BSDC1: variants seen among roughly 807,000 people sequenced by gnomAD.
BSDC1 encodes the protein BSD domain-containing protein 1.
A neutral mutation model predicts 56.0 loss-of-function variants in BSDC1; 29 were observed. The ratio of observed to expected loss-of-function variants is 0.52; its 90% CI spans 0.39 to 0.71. The LOEUF is 0.71. BSDC1 is among the 30% of genes least tolerant of loss of function. The pLI, the probability that BSDC1 is intolerant of heterozygous loss-of-function variation, is 0.00. For synonymous variants in BSDC1, 210 were observed against 215.3 expected (o/e 0.98, Z 0.21); for missense variants, 477 against 548.5 (o/e 0.87, Z 1.30).
At chr1:32,387,596 C>T (rs1049610682) in intron 2 of BSDC1, among the ~76,000 whole-genome samples, 1 of 152,188 alleles carries the variant, frequency 6.6e-6, no homozygotes, top group African/African-American at 2.4e-5. Context: ...CCACCTTGGC[C>T]TCCCAAAGTG....
chr1:32,385,636 GGAATCACTT>G (rs1292295927), intron 3 of BSDC1, among the ~76,000 whole-genome samples: 1 of 151,830 alleles, frequency 6.6e-6, no homozygotes, highest in Non-Finnish European at 1.5e-5. Flanking sequence ...CTGAGGTGGG[GGAATCACTT>G]GAGCCCAGGA....
chr1:32,377,993 T>A lies in BSDC1; in HGVS notation c.653A>T (p.Glu218Val), dbSNP rs1224501832. 4 of 1,613,300 alleles carry A rather than the reference T, an allele frequency of 2.5e-6. No individual in the cohort carries two copies. The South Asian group carries it at 4.4e-5, about 18-fold the overall frequency. ...ACCTTCCTCCTCCTCCCAGCCGGGC[T>A]CTTCAGAGATGCTCTGTTCCGCCCG... ...KQRAEQSISE[E>V]PGWEEEEEEL... The change falls in exon 8 of 11, where the codon GAG becomes GTG. Residue 218 changes from glutamate (E) to valine (V), a missense_variant. Physicochemically the swap from Glu to Val is moderately radical, Grantham distance 121. Coordinates refer to ENST00000455895, the MANE Select transcript of BSDC1 (RefSeq NM_018045.8).
At chr1:32,379,573 G>C (rs1642413316) in intron 5 of BSDC1, among the ~76,000 whole-genome samples, 1 of 152,080 alleles carries the variant, frequency 6.6e-6, no homozygotes, top group African/African-American at 2.4e-5. Flanking sequence ...CAATCACTCT[G>C]GATCACACTT....
At chr1:32,382,226 CA>C (rs577563299) in intron 4 of BSDC1, among the ~76,000 whole-genome samples, 151 of 60,154 alleles carry the variant, frequency 2.5e-3, no homozygotes, top group South Asian at 0.014. Flanking sequence ...GACTCCATCT[CA>C]AAAAAAAAAA....
intron 9 of BSDC1, chr1:32,369,226 T>C: frequency 7.8e-7 from 1 of 1,284,742 alleles, no homozygotes; most frequent in Non-Finnish European, 1.0e-6. Context: ...CCTTAAACTA[T>C]TACCTCGGAA....
At chr1:32,387,002 G>A in intron 2 of BSDC1, 107 bp from the exon 3 acceptor site, 1 of 837,570 alleles carries the variant, frequency 1.2e-6, no homozygotes, top group Non-Finnish European at 2.0e-6. Context: ...ATCTCCAGCG[G>A]CAGGGGAGCT....
At position 32,368,511 on chromosome 1, in the gene BSDC1, A is replaced by T; in HGVS notation, c.1196T>A (p.Phe399Tyr). Residue 399 changes from phenylalanine to tyrosine, a missense_variant, in exon 10 of 11, where the codon TTT (phenylalanine) becomes TAT (tyrosine). Coordinates refer to ENST00000455895, the MANE Select transcript of BSDC1 (RefSeq NM_018045.8). ...TDISEDWEKD[F>Y]DLDMTEEEVQ... ...CTCCTCTTCAGTCATGTCCAAGTCA[A>T]AGTCTTTCTCCCAGTCCTCACTGAT... 6.2e-7 allele frequency: 1 copy of T among 1,614,088 alleles called. No individual in the cohort carries two copies. The highest frequency in any genetic ancestry group is 8.5e-7 in the Non-Finnish European group (1 of 1,180,002).
intron 3 of BSDC1, among the ~76,000 whole-genome samples, chr1:32,384,583 C>T (rs1000896062): frequency 6.6e-6 from 1 of 152,072 alleles, no homozygotes; most frequent in Non-Finnish European, 1.5e-5. Context: ...ATCATCATTG[C>T]TCAGGAAGTA....
chr1:32,377,886 T>G, intron 8 of BSDC1, 84 bp downstream of exon 8: 1 of 1,338,678 alleles, frequency 7.5e-7, no homozygotes, highest in South Asian at 1.4e-5. Context: ...GCACCAAGTC[T>G]CTCCAGGCTT....
In BSDC1 at chr1:32,378,306, GT is replaced by G; in HGVS notation, c.529-24del. 1 of 1,600,134 alleles carries G rather than the reference GT, an allele frequency of 6.2e-7. No individual in the cohort carries two copies. On this transcript the variant is annotated intron_variant, in intron 6 of 10. Coordinates refer to ENST00000455895, the MANE Select transcript of BSDC1 (RefSeq NM_018045.8). The surrounding 1 kb of genome is among the most constrained non-coding windows in gnomAD (Gnocchi z 5.2). ...AACCTGGAGGGAGGGGAAAATGGAG[GT>G]GAGACTTTGGGAGTGTTTGTGTGGG...
chr1:32,393,066 A>C (rs1642920614), intron 2 of BSDC1, among the ~76,000 whole-genome samples: 2 of 152,198 alleles, frequency 1.3e-5, no homozygotes, highest in Admixed American at 6.5e-5. Flanking sequence ...TCTGTCTCAA[A>C]ACAAAACAAA....
At chr1:32,376,862 G>T in intron 8 of BSDC1, 121 bp from the exon 9 acceptor site, 1 of 1,144,760 alleles carries the variant, frequency 8.7e-7, no homozygotes, top group Non-Finnish European at 1.1e-6. Flanking sequence ...CGGGCATGGT[G>T]GCTCACACCT....
chr1:32,369,143 T>G, intron 9 of BSDC1: 2 of 593,078 alleles, frequency 3.4e-6, no homozygotes, highest in Non-Finnish European at 5.2e-6. Flanking sequence ...AAGTAAACAG[T>G]GAGTTACATG....
chr1:32,388,180 T>C (rs1461978538), intron 2 of BSDC1, among the ~76,000 whole-genome samples: 1 of 152,056 alleles, frequency 6.6e-6, no homozygotes, highest in Non-Finnish European at 1.5e-5. Flanking sequence ...TTTTAAAGCA[T>C]GTTTTTGAGC....
rs1159168399 is a variant in BSDC1, at chr1:32,383,868, T to C, written c.319A>G (p.Thr107Ala). Reference sequence around the variant, plus strand: ...TAGGGCTCAGCTGTGCCAGACGGTGTGCCCATCAGGGTGATGACATCGCAG... The same window carrying C: ...TAGGGCTCAGCTGTGCCAGACGGTGCGCCCATCAGGGTGATGACATCGCAG... The part of the protein sequence containing the change: ...IDCDVITLMG[T>A]PSGTAEPYDG... The change falls in exon 4 of 11, where the codon ACA becomes GCA. Residue 107 changes from threonine to alanine, a missense_variant. Physicochemically the swap from Thr to Ala is moderately conservative, Grantham distance 58. Coordinates refer to ENST00000455895, the MANE Select transcript of BSDC1 (RefSeq NM_018045.8). The C allele has an allele frequency of 6.2e-7, 1 of 1,612,310 alleles. No individual in the cohort carries two copies. The highest frequency in any genetic ancestry group is 1.1e-5 in the South Asian group (1 of 91,002).
intron 2 of BSDC1, chr1:32,393,752 T>G (rs1642948213): frequency 1.1e-5 from 4 of 354,042 alleles, no homozygotes; most frequent in Non-Finnish European, 1.6e-5. Context: ...CTAGAATCTT[T>G]TCCTTCAAGA....
In BSDC1 at chr1:32,366,500, G is replaced by T. The variant is rs758225604; in HGVS notation, c.*122C>A. On this transcript the variant is annotated 3_prime_UTR_variant, in exon 11 of 11. Coordinates refer to ENST00000455895, the MANE Select transcript of BSDC1 (RefSeq NM_018045.8). Reference sequence around the variant, plus strand: ...CCAGCAGGGAGCCACCAGAATCTGTGCCCAGAGCTCTGGTTGGCAGAGGAG... The same window carrying T: ...CCAGCAGGGAGCCACCAGAATCTGTTCCCAGAGCTCTGGTTGGCAGAGGAG... The T allele has an allele frequency of 2.0e-6, 2 of 979,330 alleles. No individual in the cohort carries two copies. Among genetic ancestry groups the T allele is most frequent in the Non-Finnish European group, 3.2e-6 (2 of 624,534 alleles). The allele number at this position is 979,330 out of a possible 1,614,324, so 60.7% of individuals were successfully genotyped here.
chr1:32,386,575 A>G, intron 3 of BSDC1: 1 of 483,948 alleles, frequency 2.1e-6, no homozygotes, highest in Non-Finnish European at 3.7e-6. Context: ...TGCTAAAACA[A>G]TACAGAAGTG....
In BSDC1 at chr1:32,384,129, G is replaced by A. The variant is rs987968613; in HGVS notation, c.190-132C>T. ...GGGAAGCGCTCACGACCCTTCACCCGTCTCTGGGGCTGCAGGAGAGGGAGG... is the reference window on the plus strand; with the variant it reads ...GGGAAGCGCTCACGACCCTTCACCCATCTCTGGGGCTGCAGGAGAGGGAGG... On this transcript the variant is annotated intron_variant, in intron 3 of 10. Coordinates refer to ENST00000455895, the MANE Select transcript of BSDC1 (RefSeq NM_018045.8). 8.3e-5 allele frequency: 107 copies of A among 1,283,962 alleles called. 1 individual carries two copies. Among genetic ancestry groups the A allele is most frequent in the Middle Eastern group, 7.9e-4 (3 of 3,798 alleles). The allele number at this position is 1,283,962 out of a possible 1,614,324, so 79.5% of individuals were successfully genotyped here. A position where few individuals can be genotyped will look rare whatever the true frequency, so the allele number is the denominator to read the frequency against.
Sources: gnomAD v4.1 joint callset for allele counts (sites outside exome capture counted in the v4.1 genomes callset) on GRCh38, gnomAD v4.1.1 for gene constraint, Gnocchi (gnomAD v3.1) non-coding constraint, MANE v1.5 for transcripts, NCBI Gene and HGNC (gene_info 2026-07-23, HGNC 2026-07-21) for gene names.